The following ZNF277 variants were observed in gnomAD, a reference collection of about 807,000 sequenced individuals.
ZNF277 encodes the protein zinc finger protein 277.
Under a neutral mutation model 60.7 loss-of-function variants are expected in ZNF277, and 55 were observed. The observed-to-expected ratio is 0.91, with a 90% CI of 0.73 to 1.13. The LOEUF (loss-of-function observed/expected upper bound fraction) is 1.13. Ranked by LOEUF, ZNF277 falls within the 50% of genes most tolerant of loss-of-function variation. The probability of loss-of-function intolerance (pLI) is 0.00; values close to 1 mark genes in which losing one functional copy is unlikely to be tolerated. For synonymous variants in ZNF277, 178 were observed against 179.3 expected (o/e 0.99, Z 0.06); for missense variants, 510 against 523.0 (o/e 0.98, Z 0.24).
intron 7 of ZNF277, among the ~76,000 whole-genome samples, chr7:112,335,128 T>C (rs988829026): frequency 2.0e-5 from 3 of 152,180 alleles, no homozygotes; most frequent in African/African-American, 7.2e-5. Context: ...GATGAATACC[T>C]TTATTTGGGG....
intron 4 of ZNF277, among the ~76,000 whole-genome samples, chr7:112,303,737 T>C (rs1792531932): frequency 6.6e-6 from 1 of 152,134 alleles, no homozygotes. Context: ...CCTTTTTTCA[T>C]TGTGCTGATA....
chr7:112,336,377 A>T (rs1793335339), intron 8 of ZNF277, among the ~76,000 whole-genome samples: 1 of 152,212 alleles, frequency 6.6e-6, no homozygotes, highest in Non-Finnish European at 1.5e-5. Context: ...ATTCCAACTA[A>T]ATTAAAGCTA....
chr7:112,246,367 C>T (rs1409341567), intron 1 of ZNF277, among the ~76,000 whole-genome samples: 3 of 152,154 alleles, frequency 2.0e-5, no homozygotes, highest in Non-Finnish European at 4.4e-5. Context: ...GCACTCCAGC[C>T]TCGCGACAGA....
intron 1 of ZNF277, among the ~76,000 whole-genome samples, chr7:112,222,546 T>A (rs761925227): frequency 1.3e-5 from 2 of 152,232 alleles, no homozygotes; most frequent in African/African-American, 4.8e-5. Flanking sequence ...CATTTATGAT[T>A]TAATGTATTT....
chr7:112,318,280 C>T lies in ZNF277; in HGVS notation c.557+7C>T. The T allele has an allele frequency of 6.2e-7, 1 of 1,607,616 alleles. No homozygotes were observed. Among genetic ancestry groups the T allele is most frequent in the Admixed American group, 1.7e-5 (1 of 59,942 alleles). Reference sequence around the variant, plus strand: ...AAGAATTCCTTGGAAACAGGTTTGCCATTTTGCATCTTTAAATGTTACTGT... The same window carrying T: ...AAGAATTCCTTGGAAACAGGTTTGCTATTTTGCATCTTTAAATGTTACTGT... On this transcript the variant is annotated splice_region_variant and intron_variant, in intron 5 of 11. Transcript: ENST00000361822.
chr7:112,323,360 C>G (rs1222277733), intron 5 of ZNF277, among the ~76,000 whole-genome samples: 1 of 152,234 alleles, frequency 6.6e-6, no homozygotes, highest in African/African-American at 2.4e-5. Flanking sequence ...AAAATTGTCA[C>G]TGATTGTTTC....
At chr7:112,213,016 A>G (rs1054337151) in intron 1 of ZNF277, among the ~76,000 whole-genome samples, 2 of 152,190 alleles carry the variant, frequency 1.3e-5, no homozygotes, top group Admixed American at 6.5e-5. Flanking sequence ...GTTTGGTGAC[A>G]TGGTTTGGCT....
At chr7:112,298,945 G>T (rs1447227896) in intron 4 of ZNF277, among the ~76,000 whole-genome samples, 1 of 152,120 alleles carries the variant, frequency 6.6e-6, no homozygotes, top group African/African-American at 2.4e-5. Context: ...TACTATTCTA[G>T]GCTCTGGGAA....
intron 1 of ZNF277, 54 bp from the exon 2 acceptor site, chr7:112,286,819 T>C: frequency 2.1e-6 from 3 of 1,426,832 alleles, no homozygotes; most frequent in South Asian, 1.3e-5. Flanking sequence ...TATGAAGAGT[T>C]GGTTTCAGCT....
chr7:112,281,421 G>T (rs979149945), intron 1 of ZNF277, among the ~76,000 whole-genome samples: 7 of 152,148 alleles, frequency 4.6e-5, no homozygotes, highest in Non-Finnish European at 8.8e-5. Context: ...AATGCCACTT[G>T]TTCCTTGCTT....
At chr7:112,283,383 T>G (rs1460442083) in intron 1 of ZNF277, among the ~76,000 whole-genome samples, 3 of 151,990 alleles carry the variant, frequency 2.0e-5, no homozygotes, top group African/African-American at 7.3e-5. Flanking sequence ...ATTAGCAGGG[T>G]GTAGTGGCAG....
At chr7:112,313,297 T>C (rs78660276) in intron 4 of ZNF277, among the ~76,000 whole-genome samples, 2 of 150,046 alleles carry the variant, frequency 1.3e-5, no homozygotes, top group African/African-American at 2.5e-5. Context: ...TTTTTTTTTT[T>C]CAGACTGGGC....
chr7:112,314,376 T>G (rs1297205334), intron 4 of ZNF277, among the ~76,000 whole-genome samples: 2 of 152,086 alleles, frequency 1.3e-5, no homozygotes, highest in Non-Finnish European at 2.9e-5. Flanking sequence ...GCTTCAGAAA[T>G]CATAGTAGGT....
intron 1 of ZNF277, among the ~76,000 whole-genome samples, chr7:112,273,658 T>C (rs1049577575): frequency 3.3e-5 from 5 of 152,264 alleles, no homozygotes; most frequent in African/African-American, 1.2e-4. Flanking sequence ...ATTCTAAAGT[T>C]GTGTTAGGTG....
In ZNF277 at chr7:112,228,408, G is replaced by C. The variant is rs918464063; in HGVS notation, c.91+21601G>C. 8.3e-5 allele frequency among the ~76,000 whole-genome samples: 12 copies of C among 143,944 alleles called. No individual in the cohort carries two copies. The East Asian group carries it at 1.1e-3, about 13-fold the overall frequency. 94.4% of individuals were successfully genotyped at this position (143,944 alleles called of 152,430 possible). ...AGTCTTCTATTCCATTTGGCCAACA[G>C]GTATGTGCACAGGTGAATGCATGTT... On this transcript the variant is annotated intron_variant, in intron 1 of 11. Transcript: ENST00000361822.
intron 1 of ZNF277, among the ~76,000 whole-genome samples, chr7:112,223,433 C>G (rs558678044): frequency 2.0e-5 from 3 of 152,268 alleles, no homozygotes; most frequent in Non-Finnish European, 4.4e-5. Context: ...GTCTGTCTCC[C>G]TAGGCACTAG....
Position 112,336,172 on chromosome 7 carries a change from G to A in ZNF277, c.869+1G>A, listed in dbSNP as rs767040145. On this transcript the variant is annotated splice_donor_variant, in intron 8 of 11. Coordinates refer to ENST00000361822, the MANE Select transcript of ZNF277 (RefSeq NM_021994.3). LOFTEE classifies it high-confidence loss of function. ...GGGAGTTGCTGGACCATCAGGAAGA[G>A]TAAGAGTTGTTATTGCTGCTAATTA... is the stretch of plus-strand genomic sequence containing the variant. The A allele has an allele frequency of 1.9e-6, 3 of 1,609,012 alleles. No individual in the cohort carries two copies. In the East Asian group the frequency reaches 6.7e-5, roughly 36 times the overall value.
intron 1 of ZNF277, among the ~76,000 whole-genome samples, chr7:112,272,634 T>A (rs909873324): frequency 6.6e-6 from 1 of 152,074 alleles, no homozygotes; most frequent in African/African-American, 2.4e-5. Flanking sequence ...GCTGGGATTA[T>A]AGGCACACAC....
At chr7:112,337,958 CAGGGAGAACCAG>C in intron 9 of ZNF277, 132 bp downstream of exon 9, 1 of 672,440 alleles carries the variant, frequency 1.5e-6, no homozygotes, top group South Asian at 1.8e-5. Context: ...CCAGGTCTGT[CAGGGAGAACCAG>C]AGCTCAGGGC....
Sources: gnomAD v4.1 joint callset for allele counts (sites outside exome capture counted in the v4.1 genomes callset) on GRCh38, gnomAD v4.1.1 for gene constraint, MANE v1.5 for transcripts, NCBI Gene and HGNC (gene_info 2026-07-23, HGNC 2026-07-21) for gene names.